Variants in FBLN2 observed in about 807,000 individuals in gnomAD.
FBLN2 encodes the protein fibulin-2.
A neutral mutation model predicts 123.7 loss-of-function variants in FBLN2; 81 were observed. The observed-to-expected ratio is 0.65, with a 90% CI of 0.55 to 0.79. FBLN2 has a LOEUF of 0.79. Ranked by LOEUF, FBLN2 falls within the 30% of genes least tolerant of loss-of-function variation. The pLI, the probability that FBLN2 is intolerant of heterozygous loss-of-function variation, is 0.00. For missense variants in FBLN2, 1,603 were observed against 1,681.3 expected, an observed-to-expected ratio of 0.95 and a Z score of 0.81; for synonymous variants, 699 against 701.4, an observed-to-expected ratio of 1.00 and a Z score of 0.05.
At chr3:13,612,441 T>C (rs60671363) in intron 4 of FBLN2, among the ~76,000 whole-genome samples, 57,370 of 151,176 alleles carry the variant, frequency 0.38, 16,201 homozygotes, top group African/African-American at 0.8. Context: ...AGTGCAGTGA[T>C]GCCATCTCAG....
intron 2 of FBLN2, among the ~76,000 whole-genome samples, chr3:13,583,467 G>A (rs1704402344): frequency 6.6e-6 from 1 of 152,220 alleles, no homozygotes. Flanking sequence ...GACTCCCTGA[G>A]TTTGCCTGGC....
chr3:13,616,754 C>T (rs1163071318), intron 5 of FBLN2, among the ~76,000 whole-genome samples: 2 of 152,184 alleles, frequency 1.3e-5, no homozygotes, highest in East Asian at 3.8e-4. Flanking sequence ...ATACAAAGAG[C>T]TTCCCAAGGC....
chr3:13,619,764 T>C lies in FBLN2; in HGVS notation c.2088T>C (p.Val696=). The change falls in exon 8 of 18, where the codon GTT becomes GTC. Residue 696 remains valine (V), a synonymous_variant. Transcript: ENST00000404922. ...NGPCKQVCST[V]GGSAICSCFP... The stretch of plus-strand genomic sequence containing the variant: ...CCTGCAAGCAGGTGTGCAGCACTGT[T>C]GGGGGCTCAGCCATATGCTCCTGTT... The C allele has an allele frequency of 6.2e-7, 1 of 1,613,360 alleles. No homozygotes were observed. The highest frequency in any genetic ancestry group is 8.5e-7 in the Non-Finnish European group (1 of 1,179,566).
chr3:13,551,481 G>A (rs1303252202), intron 1 of FBLN2, among the ~76,000 whole-genome samples: 1 of 152,170 alleles, frequency 6.6e-6, no homozygotes, highest in Non-Finnish European at 1.5e-5. Context: ...TTAAGAGACG[G>A]GGAAGGGGAG....
chr3:13,586,844 T>TA (rs112752854), intron 2 of FBLN2, among the ~76,000 whole-genome samples: 68 of 144,916 alleles, frequency 4.7e-4, no homozygotes, highest in South Asian at 1.6e-3. Context: ...ATTTAAAAGT[T>TA]AAAAAAAAAA....
chr3:13,559,281 G>A (rs1703546522), intron 1 of FBLN2, among the ~76,000 whole-genome samples: 2 of 151,998 alleles, frequency 1.3e-5, no homozygotes, highest in African/African-American at 4.8e-5. Flanking sequence ...GTGAAGTTCA[G>A]TTTTTCAGTT....
intron 9 of FBLN2, among the ~76,000 whole-genome samples, chr3:13,622,944 C>T (rs1441467102): frequency 6.6e-6 from 1 of 152,208 alleles, no homozygotes; most frequent in African/African-American, 2.4e-5. Context: ...AGGAACAGCT[C>T]AAATAAAGGT....
Position 13,629,822 on chromosome 3 carries a change from G to A in FBLN2, c.2845G>A (p.Val949Met), listed in dbSNP as rs551575574. 38 of 1,570,806 alleles carry A rather than the reference G, an allele frequency of 2.4e-5. No homozygotes were observed. In the East Asian group the frequency reaches 6.6e-4, roughly 27 times the overall value. Residue 949 changes from valine to methionine, a missense_variant and splice_region_variant, in exon 14 of 18, where the codon GTG becomes ATG. Coordinates refer to ENST00000404922, the MANE Select transcript of FBLN2 (RefSeq NM_001004019.2). ...RDAFGRGCID[V>M]NECWASPGRL... ...ACCTGCTGCCTGCCCTCCCACAGAC[G>A]TGAATGAGTGCTGGGCCTCGCCAGG...
At chr3:13,614,545 ACTCC>A (rs1446800996) in intron 5 of FBLN2, among the ~76,000 whole-genome samples, 1 of 150,366 alleles carries the variant, frequency 6.7e-6, no homozygotes, top group African/African-American at 2.5e-5. Flanking sequence ...TCATTCATTC[ACTCC>A]CTCATTCATC....
chr3:13,567,377 A>G (rs1172135692), intron 1 of FBLN2, among the ~76,000 whole-genome samples: 1 of 152,112 alleles, frequency 6.6e-6, no homozygotes. Flanking sequence ...TTTTGTTTTG[A>G]GACGGGGTCT....
intron 8 of FBLN2, 130 bp from the exon 9 acceptor site, chr3:13,621,645 C>A: frequency 3.3e-6 from 3 of 918,790 alleles, no homozygotes; most frequent in Non-Finnish European, 4.9e-6. Flanking sequence ...CAGCTACACA[C>A]AGTCAGGCGG....
At chr3:13,563,979 C>T (rs1404427187) in intron 1 of FBLN2, among the ~76,000 whole-genome samples, 4 of 152,172 alleles carry the variant, frequency 2.6e-5, no homozygotes, top group African/African-American at 4.8e-5. Flanking sequence ...GGAAGCCCAA[C>T]GATGCCAATG....
intron 1 of FBLN2, among the ~76,000 whole-genome samples, chr3:13,568,020 G>C (rs1703800933): frequency 6.6e-6 from 1 of 152,132 alleles, no homozygotes; most frequent in Admixed American, 6.5e-5. Context: ...CAGTCTGGAG[G>C]GTCCTTGCTT....
intron 2 of FBLN2, among the ~76,000 whole-genome samples, chr3:13,600,017 C>CAGAGAGAGAGAGAGAGAGAG (rs113759892): frequency 7.3e-6 from 1 of 137,288 alleles, no homozygotes; most frequent in Non-Finnish European, 1.5e-5. Context: ...AAAAACACGA[C>CAGAGAGAGAGAGAGAGAGAG]AGAGAGAGAG....
In FBLN2 at chr3:13,624,070, G is replaced by C. The variant is rs1020206195; in HGVS notation, c.2296+2155G>C. Among the ~76,000 whole-genome samples, 2 of 152,322 alleles carry C rather than the reference G, an allele frequency of 1.3e-5. 1 individual carries two copies. The highest frequency in any genetic ancestry group is 1.3e-4 in the Admixed American group (2 of 15,298). On this transcript the variant is annotated intron_variant, in intron 9 of 17. Coordinates refer to ENST00000404922, the MANE Select transcript of FBLN2 (RefSeq NM_001004019.2). ...GGGAAAAGTGTTGCAGGTGGTCCAG[G>C]CTGCAAGATGTGAGGGAGGCAGCCC...
chr3:13,618,301 G>A lies in FBLN2; in HGVS notation c.1939+16G>A. 6.2e-7 allele frequency: 1 copy of A among 1,612,626 alleles called. No individual in the cohort carries two copies. Among genetic ancestry groups the A allele is most frequent in the Non-Finnish European group, 8.5e-7 (1 of 1,179,058 alleles). ...TGCCGCCCAGGTAAGGGCCCTGATGGCCAGGGCAGGGGCTATGGGAAGGGC... is the reference window on the plus strand; with the variant it reads ...TGCCGCCCAGGTAAGGGCCCTGATGACCAGGGCAGGGGCTATGGGAAGGGC... On this transcript the variant is annotated intron_variant, in intron 6 of 17. Coordinates refer to ENST00000404922, the MANE Select transcript of FBLN2 (RefSeq NM_001004019.2).
At chr3:13,592,210 G>A (rs1574966539) in intron 2 of FBLN2, among the ~76,000 whole-genome samples, 1 of 151,574 alleles carries the variant, frequency 6.6e-6, no homozygotes, top group Non-Finnish European at 1.5e-5. Flanking sequence ...TTATTTAATA[G>A]AGACAGGGTT....
chr3:13,550,727 C>T (rs1216611732), intron 1 of FBLN2, among the ~76,000 whole-genome samples: 1 of 152,128 alleles, frequency 6.6e-6, no homozygotes. Context: ...GGGAGCTACT[C>T]CCCTGGGGTG....
At chr3:13,587,543 G>A (rs929346344) in intron 2 of FBLN2, among the ~76,000 whole-genome samples, 26 of 152,224 alleles carry the variant, frequency 1.7e-4, no homozygotes, top group African/African-American at 6.3e-4. Context: ...AAGGCCCCCC[G>A]CCACCAACCA....
Sources: gnomAD v4.1 joint callset for allele counts (sites outside exome capture counted in the v4.1 genomes callset) on GRCh38, gnomAD v4.1.1 for gene constraint, MANE v1.5 for transcripts, NCBI Gene and HGNC (gene_info 2026-07-23, HGNC 2026-07-21) for gene names.